Variants in AGAP1 observed in about 807,000 individuals in gnomAD.
The protein encoded by AGAP1 is ArfGAP with GTPase domain, ankyrin repeat and PH domain 1, also known as arf-GAP with GTPase, ANK repeat and PH domain-containing protein 1.
In AGAP1, 29 loss-of-function variants were observed where a neutral mutation model predicts 105.3. The observed-to-expected ratio is 0.28, with a 90% CI of 0.21 to 0.38. The LOEUF (loss-of-function observed/expected upper bound fraction) is 0.38, where lower values mean the gene tolerates loss of function less well. AGAP1 is among the 10% of genes least tolerant of loss of function. The pLI, the probability that AGAP1 is intolerant of heterozygous loss-of-function variation, is 1.00. For missense variants in AGAP1, 998 were observed against 1,165.1 expected (o/e 0.86, Z 2.09); for synonymous variants, 509 against 485.9 (o/e 1.05, Z -0.63).
At position 235,651,469 on chromosome 2, in the gene AGAP1, A is replaced by G. The variant is rs117017105; in HGVS notation, c.164-57710A>G. 6.6e-5 allele frequency among the ~76,000 whole-genome samples: 10 copies of G among 152,336 alleles called. No individual in the cohort carries two copies. In the East Asian group the frequency reaches 9.6e-4, roughly 15 times the overall value. On this transcript the variant is annotated intron_variant, in intron 1 of 17. Transcript: ENST00000304032. ...GTTATTCCTGATGTTTAAACAGCCC[A>G]TACAAATAGATTGGAAAAACATGAA...
At position 236,123,426 on chromosome 2, in the gene AGAP1, G is replaced by T. The variant is rs941717499; in HGVS notation, c.2371-493G>T. 2.0e-5 allele frequency among the ~76,000 whole-genome samples: 3 copies of T among 152,082 alleles called. No homozygotes were observed. The highest frequency in any genetic ancestry group is 2.1e-4 in the South Asian group (1 of 4,832). The stretch of plus-strand genomic sequence containing the variant: ...AAAATGAAAAAAATACAAATTATTT[G>T]TACAGTCTTATCTCAATTATGTACA... On this transcript the variant is annotated intron_variant, in intron 17 of 17. Coordinates refer to ENST00000304032, the MANE Select transcript of AGAP1 (RefSeq NM_001037131.3). The surrounding 1 kb of genome is among the most constrained non-coding windows in gnomAD (Gnocchi z 4.6).
chr2:235,651,135 C>G (rs750389016), intron 1 of AGAP1, among the ~76,000 whole-genome samples: 2 of 132,318 alleles, frequency 1.5e-5, no homozygotes, highest in African/African-American at 2.8e-5. Context: ...GAGTCAAGAT[C>G]GTGCCAGCCA....
rs954055448 is a variant in AGAP1, at chr2:235,967,113, G to A, written c.1484-1349G>A. 2.0e-5 allele frequency among the ~76,000 whole-genome samples: 3 copies of A among 151,882 alleles called. No homozygotes were observed. The highest frequency in any genetic ancestry group is 7.3e-5 in the African/African-American group (3 of 41,334). ...GCCCGCAAGCCCCCTCCTCTCCAGT[G>A]CCACCTTCCGCAGGCCTCTCCCACC... On this transcript the variant is annotated intron_variant, in intron 12 of 17. Transcript: ENST00000304032. The surrounding 1 kb of genome is among the most constrained non-coding windows in gnomAD (Gnocchi z 4.7).
At chr2:235,784,138 CAAA>C (rs1331394678) in intron 6 of AGAP1, among the ~76,000 whole-genome samples, 6 of 151,728 alleles carry the variant, frequency 4.0e-5, no homozygotes, top group Non-Finnish European at 7.4e-5. Context: ...AGGGGGAAAT[CAAA>C]AAAATTGTTA....
Position 235,744,663 on chromosome 2 carries a change from C to G in AGAP1, c.397-35C>G. The stretch of plus-strand genomic sequence containing the variant: ...CTGTTCTTAATCAAGCCTGCTCACT[C>G]AGCTCCTGCTCTCCTCCCCTTCTTC... On this transcript the variant is annotated intron_variant, in intron 4 of 17. Transcript: ENST00000304032. This position sits in a 1 kb window ranked among gnomAD's most constrained non-coding sequence, Gnocchi z 5.2. 1 of 1,613,208 alleles carries G rather than the reference C, an allele frequency of 6.2e-7. No homozygotes were observed. The highest frequency in any genetic ancestry group is 8.5e-7 in the Non-Finnish European group (1 of 1,179,426).
intron 12 of AGAP1, among the ~76,000 whole-genome samples, chr2:235,954,531 A>T (rs1233356289): frequency 6.8e-6 from 1 of 146,616 alleles, no homozygotes; most frequent in East Asian, 2.0e-4. Context: ...AGTGACTTGC[A>T]TCTCGTATGT....
At chr2:235,803,201 AGTG>A (rs1387149372) in intron 8 of AGAP1, among the ~76,000 whole-genome samples, 1 of 90,208 alleles carries the variant, frequency 1.1e-5, no homozygotes, top group Non-Finnish European at 3.1e-5. Flanking sequence ...TTGTGGTGGT[AGTG>A]GTGGTGGTGG....
chr2:236,079,766 A>AC (rs2058734499), intron 16 of AGAP1, among the ~76,000 whole-genome samples: 1 of 151,954 alleles, frequency 6.6e-6, no homozygotes, highest in Non-Finnish European at 1.5e-5. Flanking sequence ...GACGGAGGGA[A>AC]CCCCCATGCA....
intron 13 of AGAP1, among the ~76,000 whole-genome samples, chr2:235,984,538 A>G (rs2055227304): frequency 6.7e-6 from 1 of 149,772 alleles, no homozygotes; most frequent in Non-Finnish European, 1.5e-5. Flanking sequence ...GGTTTGTTAC[A>G]TAGGTATACA....
intron 1 of AGAP1, among the ~76,000 whole-genome samples, chr2:235,638,015 G>A (rs1947063878): frequency 1.3e-5 from 2 of 152,244 alleles, no homozygotes; most frequent in African/African-American, 4.8e-5. Flanking sequence ...TCTACTGATC[G>A]AGCTGTTATC....
chr2:235,839,505 G>A (rs1448079384), intron 9 of AGAP1, among the ~76,000 whole-genome samples: 2 of 152,136 alleles, frequency 1.3e-5, no homozygotes, highest in East Asian at 1.9e-4. Context: ...TCAGCACTTC[G>A]GGAGGCCAGG....
rs779646666 is a variant in AGAP1, at chr2:236,000,253, G to T, written c.1645+31630G>T. ...GGTTCTTAAAACTTCGACTTGAAGC[G>T]AAAGGACTTATAATGAAGCCAGTTT... On this transcript the variant is annotated intron_variant, in intron 13 of 17. Coordinates refer to ENST00000304032, the MANE Select transcript of AGAP1 (RefSeq NM_001037131.3). This position sits in a 1 kb window ranked among gnomAD's most constrained non-coding sequence, Gnocchi z 4.3. Among the ~76,000 whole-genome samples, 2 of 152,138 alleles carry T rather than the reference G, an allele frequency of 1.3e-5. No homozygotes were observed. The highest frequency in any genetic ancestry group is 3.9e-4 in the East Asian group (2 of 5,188).
In AGAP1 at chr2:235,799,758, TG is replaced by T. The variant is rs1028398853; in HGVS notation, c.957+241del. ...ACTTCGTGTGTCTGAAATGAAGAGCTGGGGGTGTGTATAAAGGCACTTGTTA... is the reference window on the plus strand; with the variant it reads ...ACTTCGTGTGTCTGAAATGAAGAGCTGGGGTGTGTATAAAGGCACTTGTTA... On this transcript the variant is annotated intron_variant, in intron 8 of 17. Transcript: ENST00000304032. This position sits in a 1 kb window ranked among gnomAD's most constrained non-coding sequence, Gnocchi z 5.0. Among the ~76,000 whole-genome samples the T allele has an allele frequency of 2.0e-5, 3 of 152,148 alleles. No individual in the cohort carries two copies. The highest frequency in any genetic ancestry group is 4.4e-5 in the Non-Finnish European group (3 of 68,036).
At position 236,003,256 on chromosome 2, in the gene AGAP1, G is replaced by A. The variant is rs1379098429; in HGVS notation, c.1646-33305G>A. 6.6e-6 allele frequency among the ~76,000 whole-genome samples: 1 copy of A among 152,086 alleles called. No individual in the cohort carries two copies. Among genetic ancestry groups the A allele is most frequent in the East Asian group, 1.9e-4 (1 of 5,198 alleles). On this transcript the variant is annotated intron_variant, in intron 13 of 17. Coordinates refer to ENST00000304032, the MANE Select transcript of AGAP1 (RefSeq NM_001037131.3). This position sits in a 1 kb window ranked among gnomAD's most constrained non-coding sequence, Gnocchi z 4.2. Reference sequence around the variant, plus strand: ...GACGGGGTTTTGCCATGTTGCCCAGGCTGGTCTCGAACTCCTGGCCTCAGG... The same window carrying A: ...GACGGGGTTTTGCCATGTTGCCCAGACTGGTCTCGAACTCCTGGCCTCAGG...
intron 1 of AGAP1, chr2:235,507,036 G>C (rs1941848691): frequency 6.5e-6 from 1 of 153,218 alleles, no homozygotes; most frequent in Non-Finnish European, 1.5e-5. Flanking sequence ...CCTCGCGCTG[G>C]GGCGACCCTG....
At chr2:236,074,987 A>T (rs1281746197) in intron 16 of AGAP1, among the ~76,000 whole-genome samples, 1 of 152,190 alleles carries the variant, frequency 6.6e-6, no homozygotes, top group East Asian at 1.9e-4. Flanking sequence ...CGAGAGGTGG[A>T]GGTTGCAGTG....
At chr2:235,932,204 G>A (rs1048699651) in intron 12 of AGAP1, among the ~76,000 whole-genome samples, 1 of 152,206 alleles carries the variant, frequency 6.6e-6, no homozygotes, top group Non-Finnish European at 1.5e-5. Flanking sequence ...GTGTGCTGCA[G>A]CTGAAGCCCC....
chr2:235,925,044 A>G (rs2052377588), intron 11 of AGAP1, among the ~76,000 whole-genome samples: 1 of 152,130 alleles, frequency 6.6e-6, no homozygotes, highest in Admixed American at 6.5e-5. Context: ...TCAGGGAAGG[A>G]TGGAAGGGAA....
chr2:235,633,816 AG>A lies in AGAP1; in HGVS notation c.164-75359del, dbSNP rs1379478974. Among the ~76,000 whole-genome samples the A allele has an allele frequency of 6.6e-6, 1 of 152,128 alleles. No homozygotes were observed. The highest frequency in any genetic ancestry group is 2.4e-5 in the African/African-American group (1 of 41,446). On this transcript the variant is annotated intron_variant, in intron 1 of 17. Transcript: ENST00000304032. The surrounding 1 kb of genome is among the most constrained non-coding windows in gnomAD (Gnocchi z 4.8). ...AGGCTTATGGCTAGCTTTGGGGAAAAGGGGTTTTGGTTTCTATGACCTGTCT... is the reference window on the plus strand; with the variant it reads ...AGGCTTATGGCTAGCTTTGGGGAAAAGGGTTTTGGTTTCTATGACCTGTCT...
Sources: allele counts gnomAD v4.1 joint callset (sites outside exome capture counted in the v4.1 genomes callset), GRCh38; gene constraint gnomAD v4.1.1; non-coding constraint Gnocchi (gnomAD v3.1); transcripts MANE v1.5; gene names NCBI Gene and HGNC (gene_info 2026-07-23, HGNC 2026-07-21).